Variants in EYS observed in about 807,000 individuals in gnomAD.
The protein encoded by EYS is protein eyes shut homolog.
Under a neutral mutation model 282.1 loss-of-function variants are expected in EYS, and 250 were observed. The ratio of observed to expected loss-of-function variants is 0.89; its 90% CI spans 0.80 to 0.98. The LOEUF (loss-of-function observed/expected upper bound fraction) is 0.98. EYS is among the 50% of genes least tolerant of loss of function. EYS has a pLI of 0.00. For missense variants in EYS, 4,016 were observed against 3,709.0 expected (o/e 1.08, Z -2.15); for synonymous variants, 1,355 against 1,282.9 (o/e 1.06, Z -1.20).
chr6:64,022,756 C>A (rs1325117395), intron 33 of EYS, among the ~76,000 whole-genome samples: 1 of 152,200 alleles, frequency 6.6e-6, no homozygotes, highest in Admixed American at 6.5e-5. Context: ...TACCCACACC[C>A]ATCACTTATT....
Position 64,900,678 on chromosome 6 carries a change from G to C in EYS, c.2846+1435C>G, listed in dbSNP as rs143271448. Among the ~76,000 whole-genome samples, 134 of 152,236 alleles carry C rather than the reference G, an allele frequency of 8.8e-4. 4 individuals are homozygous for C. In the East Asian group the frequency reaches 0.024, roughly 28 times the overall value. Reference sequence around the variant, plus strand: ...GAGAAATACAAATCAAAACCACAATGAGATGCCATCTCATGCCAGTTAGAA... The same window carrying C: ...GAGAAATACAAATCAAAACCACAATCAGATGCCATCTCATGCCAGTTAGAA... On this transcript the variant is annotated intron_variant, in intron 18 of 42. Coordinates refer to ENST00000503581, the MANE Select transcript of EYS (RefSeq NM_001142800.2).
chr6:64,815,591 A>G (rs1332703300), intron 21 of EYS, among the ~76,000 whole-genome samples: 1 of 152,102 alleles, frequency 6.6e-6, no homozygotes, highest in Non-Finnish European at 1.5e-5. Flanking sequence ...TTAAAAATTT[A>G]AAAGGATGCC....
At chr6:64,095,378 T>G (rs1194741671) in intron 31 of EYS, among the ~76,000 whole-genome samples, 1 of 152,132 alleles carries the variant, frequency 6.6e-6, no homozygotes, top group South Asian at 2.1e-4. Context: ...ATTATTATTG[T>G]GTGGTAGTCT....
intron 35 of EYS, among the ~76,000 whole-genome samples, chr6:63,948,588 T>C (rs1457214082): frequency 1.3e-5 from 2 of 150,610 alleles, no homozygotes; most frequent in Admixed American, 1.3e-4. Flanking sequence ...TTTTTCTCTC[T>C]CTCCCTGATT....
intron 29 of EYS, among the ~76,000 whole-genome samples, chr6:64,353,489 C>T (rs1325935644): frequency 1.3e-5 from 2 of 151,546 alleles, no homozygotes; most frequent in African/African-American, 2.4e-5. Flanking sequence ...TTGAAGCAGA[C>T]CTGGTGTAAT....
intron 26 of EYS, among the ~76,000 whole-genome samples, chr6:64,496,086 G>A (rs1246875000): frequency 6.6e-6 from 1 of 151,688 alleles, no homozygotes; most frequent in African/African-American, 2.4e-5. Context: ...ATATGCAAAG[G>A]TGAGTAAAAT....
chr6:65,344,408 C>A (rs376352609), intron 9 of EYS, among the ~76,000 whole-genome samples: 1 of 151,522 alleles, frequency 6.6e-6, no homozygotes, highest in Non-Finnish European at 1.5e-5. Context: ...GAAGAGACAG[C>A]TCCCAGGCCA....
chr6:63,932,411 C>A (rs1764922561), intron 35 of EYS, among the ~76,000 whole-genome samples: 1 of 152,102 alleles, frequency 6.6e-6, no homozygotes, highest in African/African-American at 2.4e-5. Context: ...AAAAAGTGGC[C>A]TAAACTAAAT....
intron 34 of EYS, among the ~76,000 whole-genome samples, chr6:63,989,170 T>G (rs940372833): frequency 2.6e-5 from 4 of 151,718 alleles, no homozygotes; most frequent in Non-Finnish European, 5.9e-5. Flanking sequence ...AGCGCACTTG[T>G]CTTTAAGATT....
intron 26 of EYS, among the ~76,000 whole-genome samples, chr6:64,468,605 G>T (rs1776002743): frequency 6.6e-6 from 1 of 152,094 alleles, no homozygotes; most frequent in African/African-American, 2.4e-5. Flanking sequence ...GATCACACAG[G>T]TAATAAAACA....
chr6:64,977,250 T>C (rs1770500796), intron 14 of EYS, among the ~76,000 whole-genome samples: 1 of 152,006 alleles, frequency 6.6e-6, no homozygotes, highest in South Asian at 2.1e-4. Flanking sequence ...ATACATTTTG[T>C]TAATTCTCAC....
At chr6:65,386,092 A>T (rs1765791645) in intron 7 of EYS, among the ~76,000 whole-genome samples, 1 of 151,850 alleles carries the variant, frequency 6.6e-6, no homozygotes, top group Non-Finnish European at 1.5e-5. Context: ...TCAGCCACTA[A>T]GAAGAATCAG....
At position 64,171,070 on chromosome 6, in the gene EYS, G is replaced by A. The variant is rs140004790; in HGVS notation, c.6424+59522C>T. Among the ~76,000 whole-genome samples the A allele has an allele frequency of 2.0e-5, 3 of 152,242 alleles. No individual in the cohort carries two copies. The East Asian group carries it at 5.8e-4, about 29-fold the overall frequency. On this transcript the variant is annotated intron_variant, in intron 31 of 42. Coordinates refer to ENST00000503581, the MANE Select transcript of EYS (RefSeq NM_001142800.2). The stretch of plus-strand genomic sequence containing the variant: ...TATCCGTAAATTTATTCCTTTACAG[G>A]TTTAGAATGGCAGGGATAACCTGCC...
chr6:64,435,438 CT>C (rs71551587), intron 28 of EYS, among the ~76,000 whole-genome samples: 36,716 of 134,988 alleles, frequency 0.27, 4,673 homozygotes, highest in East Asian at 0.56. Flanking sequence ...CTTCTTCTTC[CT>C]TTTTTTTTTT....
In EYS at chr6:65,682,540, T is replaced by G. The variant is rs912038188; in HGVS notation, c.-448+24595A>C. 3.9e-5 allele frequency among the ~76,000 whole-genome samples: 6 copies of G among 151,996 alleles called. No individual in the cohort carries two copies. The East Asian group carries it at 9.7e-4, about 25-fold the overall frequency. On this transcript the variant is annotated intron_variant, in intron 1 of 42. Transcript: ENST00000503581. ...ATAGTTATTTCTTGAAATACAAATATTTTTATTATTCAATCACATATTAGT... is the reference window on the plus strand; with the variant it reads ...ATAGTTATTTCTTGAAATACAAATAGTTTTATTATTCAATCACATATTAGT...
At chr6:65,059,850 G>A (rs930204069) in intron 12 of EYS, among the ~76,000 whole-genome samples, 36 of 152,062 alleles carry the variant, frequency 2.4e-4, no homozygotes, top group African/African-American at 8.4e-4. Context: ...ACTGGAAGGA[G>A]GAAAGAAATA....
chr6:64,200,441 CTGTAGTA>C (rs1765429858), intron 31 of EYS, among the ~76,000 whole-genome samples: 1 of 152,022 alleles, frequency 6.6e-6, no homozygotes, highest in East Asian at 1.9e-4. Context: ...ATATATAACT[CTGTAGTA>C]TGTGCTCAAT....
At chr6:65,027,698 T>A (rs949800066) in intron 13 of EYS, among the ~76,000 whole-genome samples, 1 of 152,172 alleles carries the variant, frequency 6.6e-6, no homozygotes, top group African/African-American at 2.4e-5. Flanking sequence ...CGTAAGAAAA[T>A]GCACTTAAGA....
intron 14 of EYS, among the ~76,000 whole-genome samples, chr6:64,963,079 C>T (rs1390667530): frequency 6.6e-6 from 1 of 152,130 alleles, no homozygotes; most frequent in African/African-American, 2.4e-5. Flanking sequence ...TTCTGAGTGT[C>T]ACTCTACAGA....
Sources: allele counts gnomAD v4.1 joint callset (sites outside exome capture counted in the v4.1 genomes callset), GRCh38; gene constraint gnomAD v4.1.1; transcripts MANE v1.5; gene names NCBI Gene and HGNC (gene_info 2026-07-23, HGNC 2026-07-21).